Variants in NALF1 observed in about 807,000 individuals in gnomAD.
NALF1 encodes the protein NALCN channel auxiliary factor 1, also known as family with sequence similarity 155 member A.
Under a neutral mutation model 48.4 loss-of-function variants are expected in NALF1, and 3 were observed. The ratio of observed to expected loss-of-function variants is 0.06; its 90% CI spans 0.03 to 0.16. The LOEUF (loss-of-function observed/expected upper bound fraction) is 0.16, where lower values mean the gene tolerates loss of function less well. NALF1 is among the 10% of genes least tolerant of loss of function. The pLI is 1.00. For synonymous variants in NALF1, 262 were observed against 245.7 expected (o/e 1.07, Z -0.62); for missense variants, 526 against 571.5 (o/e 0.92, Z 0.81).
chr13:107,478,628 C>A (rs1171736660), intron 1 of NALF1, among the ~76,000 whole-genome samples: 1 of 150,414 alleles, frequency 6.6e-6, no homozygotes, highest in South Asian at 2.1e-4. Context: ...CTCAATGTCA[C>A]CTAAAAGAGT....
chr13:107,646,290 TAAAA>T (rs80217872), intron 1 of NALF1, among the ~76,000 whole-genome samples: 14 of 132,296 alleles, frequency 1.1e-4, no homozygotes, highest in African/African-American at 3.6e-4. Context: ...GCCAACTTCT[TAAAA>T]AAAAAAAAAA....
intron 1 of NALF1, among the ~76,000 whole-genome samples, chr13:107,382,486 C>G (rs1010217202): frequency 6.6e-6 from 1 of 152,200 alleles, no homozygotes; most frequent in Non-Finnish European, 1.5e-5. Context: ...TTACCCTTCA[C>G]TCAGCTTCTC....
chr13:107,556,216 T>G (rs3901673), intron 1 of NALF1, among the ~76,000 whole-genome samples: 81 of 150,894 alleles, frequency 5.4e-4, no homozygotes, highest in Admixed American at 5.4e-3. Flanking sequence ...GTGGGACTGA[T>G]AGTCATTCCT....
intron 1 of NALF1, among the ~76,000 whole-genome samples, chr13:107,335,114 C>T (rs752593588): frequency 2.6e-5 from 4 of 152,120 alleles, no homozygotes; most frequent in Admixed American, 6.6e-5. Flanking sequence ...CCGTTCCCTC[C>T]TCATCTGCCC....
At position 107,596,428 on chromosome 13, in the gene NALF1, T is replaced by C. The variant is rs575686519; in HGVS notation, c.915+269254A>G. On this transcript the variant is annotated intron_variant, in intron 1 of 2. Coordinates refer to ENST00000375915, the MANE Select transcript of NALF1 (RefSeq NM_001080396.3). ...AATGAATTGGAAACAACCCAAATGC[T>C]CATCAATGATAGATTGGATAAAGAA... Among the ~76,000 whole-genome samples the C allele has an allele frequency of 1.6e-3, 241 of 152,190 alleles. 1 individual carries two copies. The highest frequency in any genetic ancestry group is 5.5e-3 in the African/African-American group (227 of 41,526).
At position 107,588,568 on chromosome 13, in the gene NALF1, T is replaced by G. The variant is rs76539831; in HGVS notation, c.915+277114A>C. Among the ~76,000 whole-genome samples the G allele has an allele frequency of 2.5e-3, 379 of 152,250 alleles. 3 individuals are homozygous for G. The highest frequency in any genetic ancestry group is 8.3e-3 in the African/African-American group (343 of 41,554). On this transcript the variant is annotated intron_variant, in intron 1 of 2. Transcript: ENST00000375915. ...CACACTGGGCATTTCATTGTTTTGA[T>G]GAAGGCTGTTTGGTGCCTGTAAATC...
intron 1 of NALF1, among the ~76,000 whole-genome samples, chr13:107,383,947 A>T (rs1276400076): frequency 1.3e-5 from 2 of 152,180 alleles, no homozygotes; most frequent in Non-Finnish European, 2.9e-5. Flanking sequence ...GTTAAATGCA[A>T]TTTAAAATGG....
intron 1 of NALF1, among the ~76,000 whole-genome samples, chr13:107,385,582 GAAAAGAA>G (rs1383168466): frequency 2.3e-5 from 3 of 132,166 alleles, no homozygotes; most frequent in African/African-American, 8.7e-5. Context: ...AAAAAACAAA[GAAAAGAA>G]AAAAATGCAT....
chr13:107,344,781 C>T (rs1882743877), intron 1 of NALF1, among the ~76,000 whole-genome samples: 3 of 152,086 alleles, frequency 2.0e-5, no homozygotes, highest in South Asian at 2.1e-4. Context: ...GACAAGAATG[C>T]CCACTCTTAC....
At chr13:107,776,174 T>C (rs1210862478) in intron 1 of NALF1, among the ~76,000 whole-genome samples, 1 of 152,174 alleles carries the variant, frequency 6.6e-6, no homozygotes, top group African/African-American at 2.4e-5. Context: ...ATTAGACACA[T>C]TGATTTGGCA....
At chr13:107,511,256 A>G (rs552467287) in intron 1 of NALF1, among the ~76,000 whole-genome samples, 157 of 152,306 alleles carry the variant, frequency 1.0e-3, no homozygotes, top group African/African-American at 3.7e-3. Context: ...GTCTGTACAT[A>G]GTGTGACTAG....
At chr13:107,507,568 T>C (rs572725060) in intron 1 of NALF1, among the ~76,000 whole-genome samples, 10 of 126,866 alleles carry the variant, frequency 7.9e-5, no homozygotes, top group Non-Finnish European at 1.6e-4. Flanking sequence ...CATCATGTCC[T>C]AGATGCCTAG....
rs571530711 is a variant in NALF1, at chr13:107,168,434, A to C, written c.*2063T>G. On this transcript the variant is annotated 3_prime_UTR_variant, in exon 3 of 3. Coordinates refer to ENST00000375915, the MANE Select transcript of NALF1 (RefSeq NM_001080396.3). ...AAAAGCACCATGTTTCCATACACTA[A>C]AATATGATGCCTATGTGTATGTATC... 2.6e-3 allele frequency: 403 copies of C among 152,432 alleles called. 1 individual carries two copies. The highest frequency in any genetic ancestry group is 9.3e-3 in the African/African-American group (387 of 41,534). 9.4% of individuals were successfully genotyped at this position (152,432 alleles called of 1,614,324 possible). A position where few individuals can be genotyped will look rare whatever the true frequency, so the allele number is the denominator to read the frequency against.
chr13:107,234,607 C>T (rs994260691), intron 1 of NALF1, among the ~76,000 whole-genome samples: 2 of 152,046 alleles, frequency 1.3e-5, no homozygotes, highest in African/African-American at 2.4e-5. Context: ...CCTCCGAGAT[C>T]ATCTGCTCTC....
At chr13:107,515,439 C>G (rs1378395122) in intron 1 of NALF1, among the ~76,000 whole-genome samples, 1 of 152,080 alleles carries the variant, frequency 6.6e-6, no homozygotes, top group Non-Finnish European at 1.5e-5. Flanking sequence ...CTTATAACAA[C>G]CTGTTATAAG....
chr13:107,704,802 C>A (rs138133564), intron 1 of NALF1, among the ~76,000 whole-genome samples: 2 of 152,188 alleles, frequency 1.3e-5, no homozygotes, highest in East Asian at 3.9e-4. Flanking sequence ...AATTGAGATG[C>A]CCTGCGTCTC....
At chr13:107,719,309 C>T (rs1875916734) in intron 1 of NALF1, among the ~76,000 whole-genome samples, 1 of 152,108 alleles carries the variant, frequency 6.6e-6, no homozygotes, top group Admixed American at 6.5e-5. Context: ...TTGAAATATT[C>T]TCTTAGCTGT....
chr13:107,239,468 C>A (rs547315026), intron 1 of NALF1, among the ~76,000 whole-genome samples: 1 of 152,154 alleles, frequency 6.6e-6, no homozygotes, highest in Non-Finnish European at 1.5e-5. Flanking sequence ...TGGATTAGGG[C>A]CCATCCTAAA....
intron 1 of NALF1, among the ~76,000 whole-genome samples, chr13:107,788,126 C>A (rs9555409): frequency 0.15 from 23,577 of 152,118 alleles, 2,207 homozygotes; most frequent in Admixed American, 0.27. Context: ...TCTTCATCCT[C>A]CTTGTTTGAA....
Sources: allele counts gnomAD v4.1 joint callset (sites outside exome capture counted in the v4.1 genomes callset), GRCh38; gene constraint gnomAD v4.1.1; transcripts MANE v1.5; gene names NCBI Gene and HGNC (gene_info 2026-07-23, HGNC 2026-07-21).